FRYL: variants seen among roughly 807,000 people sequenced by gnomAD.
The protein encoded by FRYL is FRY like transcription coactivator, also known as protein furry homolog-like.
A neutral mutation model predicts 351.2 loss-of-function variants in FRYL; 150 were observed. The ratio of observed to expected loss-of-function variants is 0.43; its 90% CI spans 0.37 to 0.49. The LOEUF (loss-of-function observed/expected upper bound fraction) is 0.49, where lower values mean the gene tolerates loss of function less well. FRYL is among the 20% of genes least tolerant of loss of function. The pLI is 0.00. For missense variants in FRYL, 3,036 were observed against 3,619.3 expected, an observed-to-expected ratio of 0.84 and a Z score of 4.13; for synonymous variants, 1,153 against 1,257.1, an observed-to-expected ratio of 0.92 and a Z score of 1.75.
At chr4:48,517,727 C>G (rs1240131627) in intron 55 of FRYL, among the ~76,000 whole-genome samples, 1 of 152,158 alleles carries the variant, frequency 6.6e-6, no homozygotes, top group Non-Finnish European at 1.5e-5. Context: ...ACACTCAGCT[C>G]TAAAGTTTGT....
intron 1 of FRYL, among the ~76,000 whole-genome samples, chr4:48,774,490 G>T (rs1268136547): frequency 6.6e-6 from 1 of 152,080 alleles, no homozygotes; most frequent in Non-Finnish European, 1.5e-5. Flanking sequence ...GAGGGTGGTA[G>T]GGGGATCTAT....
intron 60 of FRYL, 131 bp downstream of exon 60, chr4:48,505,416 G>T: frequency 6.4e-5 from 39 of 609,436 alleles, no homozygotes; most frequent in Middle Eastern, 2.7e-4. Flanking sequence ...AGATTGTTTT[G>T]ATAACCAAAA....
intron 19 of FRYL, among the ~76,000 whole-genome samples, chr4:48,585,125 TAGG>T (rs1319367115): frequency 1.3e-5 from 2 of 152,132 alleles, no homozygotes. Context: ...TATGTTGAAA[TAGG>T]AGGAGTAAGA....
At chr4:48,605,266 T>G (rs1052676171) in intron 11 of FRYL, among the ~76,000 whole-genome samples, 6 of 152,198 alleles carry the variant, frequency 3.9e-5, no homozygotes, top group Non-Finnish European at 7.3e-5. Flanking sequence ...TTCTTAACTT[T>G]TAAAACAATT....
At chr4:48,499,886 T>G in intron 63 of FRYL, 144 bp downstream of exon 63, 1 of 758,972 alleles carries the variant, frequency 1.3e-6, no homozygotes. Context: ...ATTGGTATCA[T>G]TTCAGTGGCA....
chr4:48,592,082 T>TTATACATATATATATATATATATA (rs1743415245), intron 16 of FRYL, among the ~76,000 whole-genome samples: 1 of 116,178 alleles, frequency 8.6e-6, no homozygotes, highest in African/African-American at 4.5e-5. Flanking sequence ...AATAAAGCTC[T>TTATACATATATATATATATATATA]TATATATATA....
rs766144900 is a variant in FRYL at position 48,562,991 on chromosome 4, A to G, written c.3597-3T>C. 17 of 1,547,550 alleles carry G rather than the reference A, an allele frequency of 1.1e-5. No individual in the cohort carries two copies. In the Admixed American group the frequency reaches 1.8e-4, roughly 16 times the overall value. ...TCACTGTGTCACATTGATAATCCCT[A>G]GGAATAAATTTTACATATTAAGTAA... On this transcript the variant is annotated splice_polypyrimidine_tract_variant and splice_region_variant and intron_variant, in intron 31 of 63. Transcript: ENST00000358350.
intron 2 of FRYL, among the ~76,000 whole-genome samples, chr4:48,700,068 C>T (rs762406131): frequency 1.3e-5 from 2 of 152,114 alleles, no homozygotes; most frequent in South Asian, 2.1e-4. Flanking sequence ...GTGAGAGACA[C>T]GAATGATGAA....
chr4:48,567,371 A>G lies in FRYL; in HGVS notation c.3046T>C (p.Leu1016=), dbSNP rs770398084. The change falls in exon 28 of 64, where the codon TTG becomes CTG. Residue 1016 remains leucine (L), a synonymous_variant. Coordinates refer to ENST00000358350, the MANE Select transcript of FRYL (RefSeq NM_015030.2). The surrounding 1 kb of genome is among the most constrained non-coding windows in gnomAD (Gnocchi z 4.2). ...NETHFLNNTL[L]EYVDLTRQLL... is the part of the protein sequence containing the mutation. Reference sequence around the variant, plus strand: ...TGTCTAGTTAAATCTACATATTCCAATAAAGTGTTGTTGAGAAAATGTGTT... The same window carrying G: ...TGTCTAGTTAAATCTACATATTCCAGTAAAGTGTTGTTGAGAAAATGTGTT... The G allele has an allele frequency of 4.3e-6, 7 of 1,610,718 alleles. No homozygotes were observed. In the East Asian group the frequency reaches 1.6e-4, roughly 36 times the overall value.
chr4:48,772,555 A>G (rs1420857633), intron 1 of FRYL, among the ~76,000 whole-genome samples: 1 of 152,136 alleles, frequency 6.6e-6, no homozygotes, highest in Non-Finnish European at 1.5e-5. Flanking sequence ...AGTATTATAG[A>G]TGGCATAACC....
intron 4 of FRYL, among the ~76,000 whole-genome samples, chr4:48,624,848 A>G (rs1751443018): frequency 6.6e-6 from 1 of 152,222 alleles, no homozygotes; most frequent in Non-Finnish European, 1.5e-5. Flanking sequence ...AGGCCTGAAC[A>G]GAACAAAAGA....
At chr4:48,515,822 T>TA (rs1330360136) in intron 55 of FRYL, among the ~76,000 whole-genome samples, 1 of 152,294 alleles carries the variant, frequency 6.6e-6, no homozygotes, top group Admixed American at 6.5e-5. Flanking sequence ...TACTTGGAAA[T>TA]ATGTGCTTTG....
At chr4:48,707,352 C>T (rs1362065970) in intron 2 of FRYL, among the ~76,000 whole-genome samples, 1 of 151,918 alleles carries the variant, frequency 6.6e-6, no homozygotes, top group Non-Finnish European at 1.5e-5. Flanking sequence ...TTTAAAAGGT[C>T]TTAAGGATAC....
intron 1 of FRYL, among the ~76,000 whole-genome samples, chr4:48,779,649 C>A (rs1776429426): frequency 6.6e-6 from 1 of 151,990 alleles, no homozygotes; most frequent in South Asian, 2.1e-4. Context: ...CCTTCCTTCC[C>A]GCGGGGCGGC....
Position 48,663,774 on chromosome 4 carries a change from CAA to C in FRYL, c.-81+20897_-81+20898del, listed in dbSNP as rs71191251. Among the ~76,000 whole-genome samples the C allele has an allele frequency of 4.0e-4, 28 of 70,104 alleles. No homozygotes were observed. The East Asian group carries it at 6.5e-3, about 16-fold the overall frequency. The allele number at this position is 70,104 out of a possible 152,430, so 46.0% of individuals were successfully genotyped here. On this transcript the variant is annotated intron_variant, in intron 3 of 63. Transcript: ENST00000358350. ...TGGGCGACAGAGCGAGACTCCGTCT[CAA>C]AAAAAAAAAAAAAAAAAAAAAGAGA...
chr4:48,565,888 C>T (rs1736670121), intron 28 of FRYL, among the ~76,000 whole-genome samples, 197 bp from the exon 29 acceptor site: 1 of 152,084 alleles, frequency 6.6e-6, no homozygotes, highest in Non-Finnish European at 1.5e-5. Flanking sequence ...TCTGTGTCAC[C>T]CTGTCCCAGC....
chr4:48,622,486 C>T (rs1246814208), intron 5 of FRYL, among the ~76,000 whole-genome samples: 1 of 152,146 alleles, frequency 6.6e-6, no homozygotes, highest in East Asian at 1.9e-4. Flanking sequence ...TCCAGGAACA[C>T]AGTATTTTGG....
Position 48,528,201 on chromosome 4 carries a change from T to G in FRYL, c.7039A>C (p.Ser2347Arg). The G allele has an allele frequency of 6.2e-7, 1 of 1,613,110 alleles. No individual in the cohort carries two copies. Among genetic ancestry groups the G allele is most frequent in the South Asian group, 1.1e-5 (1 of 91,010 alleles). Residue 2347 changes from serine to arginine, a missense_variant, in exon 51 of 64, where the codon AGT becomes CGT. This residue lies in a region of FRYL where 1,987 missense variants were observed against 2,311.7 expected (regional missense o/e 0.86). Transcript: ENST00000358350. ...TGTGATAACTGTGGCCTTTTCCAAC[T>G]AACAGGAACCAAGGCATTAGAATTA... ...GSNSNALVPV[S>R]WKRPQLSQRR...
intron 42 of FRYL, 122 bp from the exon 43 acceptor site, chr4:48,545,026 A>T: frequency 1.1e-6 from 1 of 884,232 alleles, no homozygotes; most frequent in Non-Finnish European, 1.7e-6. Flanking sequence ...AATAGGTCAC[A>T]GTCTACTACT....
Sources: allele counts gnomAD v4.1 joint callset (sites outside exome capture counted in the v4.1 genomes callset), GRCh38; gene constraint gnomAD v4.1.1; regional missense constraint gnomAD v4.1.1; non-coding constraint Gnocchi (gnomAD v3.1); transcripts MANE v1.5; gene names NCBI Gene and HGNC (gene_info 2026-07-23, HGNC 2026-07-21).